Variants in ATCAY observed in about 807,000 individuals in gnomAD.
The protein encoded by ATCAY is ATCAY kinesin light chain interacting caytaxin, also known as caytaxin.
A neutral mutation model predicts 47.7 loss-of-function variants in ATCAY; 22 were observed. The observed-to-expected ratio is 0.46, with a 90% confidence interval of 0.33 to 0.66. ATCAY has a LOEUF of 0.66. ATCAY is among the 30% of genes least tolerant of loss of function. The probability of loss-of-function intolerance (pLI) is 0.02; values close to 1 mark genes in which losing one functional copy is unlikely to be tolerated. For synonymous variants in ATCAY, 216 were observed against 207.6 expected, an observed-to-expected ratio of 1.04 and a Z score of -0.35; for missense variants, 452 against 515.0, an observed-to-expected ratio of 0.88 and a Z score of 1.18.
At chr19:3,905,882 G>T (rs1056357801) in intron 4 of ATCAY, among the ~76,000 whole-genome samples, 1 of 151,946 alleles carries the variant, frequency 6.6e-6, no homozygotes, top group Admixed American at 6.6e-5. Context: ...TTTTAAAAAA[G>T]AGAGAGGTGG....
At chr19:3,892,800 G>C (rs2038729882) in intron 2 of ATCAY, among the ~76,000 whole-genome samples, 1 of 151,918 alleles carries the variant, frequency 6.6e-6, no homozygotes. Context: ...CCCAGCTACT[G>C]GGGAGGCTGA....
intron 2 of ATCAY, among the ~76,000 whole-genome samples, chr19:3,900,824 C>G (rs894978249): frequency 6.6e-6 from 1 of 151,328 alleles, no homozygotes; most frequent in Admixed American, 6.6e-5. Flanking sequence ...GCGTGAGCTG[C>G]TGCGCCTGGC....
At chr19:3,891,426 T>G (rs1441278480) in intron 2 of ATCAY, among the ~76,000 whole-genome samples, 2 of 151,990 alleles carry the variant, frequency 1.3e-5, no homozygotes, top group Non-Finnish European at 2.9e-5. Context: ...GCCCGGAGAT[T>G]GCTGCCTCAA....
intron 2 of ATCAY, among the ~76,000 whole-genome samples, chr19:3,888,089 G>A (rs961919041): frequency 3.3e-5 from 5 of 149,878 alleles, no homozygotes; most frequent in Middle Eastern, 3.4e-3. Context: ...ACTCCAGCCC[G>A]GGTGACAGTG....
intron 1 of ATCAY, among the ~76,000 whole-genome samples, chr19:3,885,335 C>T (rs2038639946): frequency 6.6e-6 from 1 of 151,852 alleles, no homozygotes; most frequent in Non-Finnish European, 1.5e-5. Context: ...AGGAGGATCA[C>T]CTGAGGTCAG....
At chr19:3,918,554 C>CA (rs762114179) in intron 10 of ATCAY, among the ~76,000 whole-genome samples, 16,734 of 142,868 alleles carry the variant, frequency 0.12, 1,082 homozygotes, top group Middle Eastern at 0.19. Context: ...GATCCTGTCT[C>CA]AAAAAAAAAA....
intron 3 of ATCAY, among the ~76,000 whole-genome samples, chr19:3,903,982 CAAAAAAAAA>C (rs59631453): frequency 1.3e-5 from 1 of 79,062 alleles, no homozygotes; most frequent in Admixed American, 1.3e-4. Context: ...ACTAAAGATA[CAAAAAAAAA>C]AAAAAAAAAA....
rs774788713 is a variant in ATCAY at position 3,902,509 on chromosome 19, G to T, written c.100G>T (p.Val34Leu). ...LPRPLPEETG[V>L]ELLGSPVEDT... ...CAGGCCACTCCCAGAAGAGACGGGGGTGGAACTGCTTGGCAGCCCGGTGGA... is the reference window on the plus strand; with the variant it reads ...CAGGCCACTCCCAGAAGAGACGGGGTTGGAACTGCTTGGCAGCCCGGTGGA... The change falls in exon 3 of 13, where the codon GTG becomes TTG. Residue 34 changes from valine to leucine, a missense_variant. Val to Leu is a conservative substitution (Grantham distance 32, BLOSUM62 1). Transcript: ENST00000450849. 1.3e-6 allele frequency: 2 copies of T among 1,580,912 alleles called. No individual in the cohort carries two copies. The highest frequency in any genetic ancestry group is 1.7e-6 in the Non-Finnish European group (2 of 1,163,486).
intron 10 of ATCAY, 120 bp downstream of exon 10, chr19:3,917,897 C>A (rs1279548705): frequency 2.9e-6 from 3 of 1,043,092 alleles, no homozygotes; most frequent in African/African-American, 3.2e-5. Context: ...GTGCAGGGCT[C>A]AAGACGCTGC....
chr19:3,917,787 G>T lies in ATCAY; in HGVS notation c.1001+10G>T, dbSNP rs1439479220. On this transcript the variant is annotated intron_variant, in intron 10 of 12. Transcript: ENST00000450849. ...AGGCCAGGAGGGAGAGGTGTGTGCA[G>T]AGTGGTTTCTGCTGGGGCTGGGTCG... The T allele has an allele frequency of 1.9e-6, 3 of 1,609,116 alleles. No individual in the cohort carries two copies. Among genetic ancestry groups the T allele is most frequent in the Non-Finnish European group, 2.5e-6 (3 of 1,178,354 alleles).
At chr19:3,918,294 A>G (rs541583253) in intron 10 of ATCAY, among the ~76,000 whole-genome samples, 1 of 151,960 alleles carries the variant, frequency 6.6e-6, no homozygotes, top group East Asian at 1.9e-4. Context: ...CTGAGCCAGG[A>G]GAATCACTTG....
In ATCAY at chr19:3,898,676, GTTGTTTGT is replaced by G. The variant is rs746138288; in HGVS notation, c.78-3796_78-3789del. On this transcript the variant is annotated intron_variant, in intron 2 of 12. Transcript: ENST00000450849. ...TCCAGTCAGCTGTTAATGGACTGGT[GTTGTTTGT>G]TTGTTTGTTTGTTTTTGAGACAGAG... 3.9e-5 allele frequency among the ~76,000 whole-genome samples: 6 copies of G among 152,070 alleles called. No individual in the cohort carries two copies. In the East Asian group the frequency reaches 1.2e-3, roughly 29 times the overall value.
intron 2 of ATCAY, chr19:3,895,077 C>T: frequency 2.2e-6 from 1 of 455,266 alleles, no homozygotes; most frequent in African/African-American, 2.0e-5. Flanking sequence ...TCACTATCTG[C>T]CTTGTTCACT....
At chr19:3,916,933 G>A (rs1424836089) in intron 9 of ATCAY, among the ~76,000 whole-genome samples, 6 of 151,326 alleles carry the variant, frequency 4.0e-5, no homozygotes, top group Non-Finnish European at 7.4e-5. Flanking sequence ...TCAGCCTCCC[G>A]AATAGCTGGG....
rs1403709477 is a variant in ATCAY at position 3,887,736 on chromosome 19, T to G, written c.77+1892T>G. 4.1e-5 allele frequency among the ~76,000 whole-genome samples: 6 copies of G among 146,996 alleles called. No individual in the cohort carries two copies. In the East Asian group the frequency reaches 1.3e-3, roughly 32 times the overall value. On this transcript the variant is annotated intron_variant, in intron 2 of 12. Transcript: ENST00000450849. Reference sequence around the variant, plus strand: ...CGTCTGACCTCGTGATCCGCCCACCTCGGCCTCCCAAAGTGCTGGGATTAC... The same window carrying G: ...CGTCTGACCTCGTGATCCGCCCACCGCGGCCTCCCAAAGTGCTGGGATTAC...
intron 3 of ATCAY, among the ~76,000 whole-genome samples, chr19:3,902,824 C>A (rs2038827111): frequency 6.6e-6 from 1 of 152,140 alleles, no homozygotes; most frequent in African/African-American, 2.4e-5. Flanking sequence ...TAGCGAGCTT[C>A]TCGCAGAGGG....
At chr19:3,922,139 G>A in intron 12 of ATCAY, 3 of 702,688 alleles carry the variant, frequency 4.3e-6, no homozygotes, top group Non-Finnish European at 7.8e-6. Flanking sequence ...CTGGCTGACT[G>A]TCTGCATGGC....
chr19:3,915,371 G>C (rs112400503), intron 9 of ATCAY, among the ~76,000 whole-genome samples: 16,826 of 145,302 alleles, frequency 0.12, 1,065 homozygotes, highest in Middle Eastern at 0.19. Flanking sequence ...TTTTAGTAGA[G>C]ACAGGGTTTC....
At chr19:3,918,778 C>A (rs1304625226) in intron 10 of ATCAY, 28 bp from the exon 11 acceptor site, 2 of 1,613,560 alleles carry the variant, frequency 1.2e-6, no homozygotes, top group Admixed American at 3.3e-5. Flanking sequence ...GCTAGTCACC[C>A]TTGTCACCTC....
Sources: gnomAD v4.1 joint callset for allele counts (sites outside exome capture counted in the v4.1 genomes callset) on GRCh38, gnomAD v4.1.1 for gene constraint, MANE v1.5 for transcripts, NCBI Gene and HGNC (gene_info 2026-07-23, HGNC 2026-07-21) for gene names.